The following TMEM38B variants were observed in gnomAD, a reference collection of about 807,000 sequenced individuals.
TMEM38B encodes the protein trimeric intracellular cation channel type B.
Under a neutral mutation model 28.7 loss-of-function variants are expected in TMEM38B, and 24 were observed. The observed-to-expected ratio is 0.84, with a 90% CI of 0.61 to 1.18. The LOEUF is 1.18. TMEM38B is among the 50% of genes most tolerant of loss of function. TMEM38B has a pLI of 0.00. For missense variants in TMEM38B, 380 were observed against 350.9 expected (o/e 1.08, Z -0.66); for synonymous variants, 131 against 127.7 (o/e 1.03, Z -0.17).
chr9:105,749,357 A>G (rs570422902), intron 5 of TMEM38B: 11 of 191,496 alleles, frequency 5.7e-5, no homozygotes, highest in South Asian at 5.0e-4. Context: ...GTGGAGGAGG[A>G]GCAAAGGCAC....
At chr9:105,765,143 A>G (rs1321609839) in intron 5 of TMEM38B, among the ~76,000 whole-genome samples, 1 of 152,220 alleles carries the variant, frequency 6.6e-6, no homozygotes, top group East Asian at 1.9e-4. Context: ...TTTCTAAGGC[A>G]TTTGTATGCT....
intron 5 of TMEM38B, chr9:105,758,734 T>G (rs1430299366): frequency 6.8e-6 from 5 of 734,870 alleles, no homozygotes; most frequent in Non-Finnish European, 1.2e-5. Flanking sequence ...AAAGATAGTA[T>G]TTTTAAATGA....
intron 4 of TMEM38B, among the ~76,000 whole-genome samples, chr9:105,727,226 G>A (rs927198551): frequency 1.3e-5 from 2 of 151,610 alleles, no homozygotes; most frequent in Admixed American, 6.6e-5. Context: ...TTCCTCCCCC[G>A]ACCCTGCCCA....
At chr9:105,723,676 T>A (rs1282026501) in intron 4 of TMEM38B, among the ~76,000 whole-genome samples, 1 of 151,748 alleles carries the variant, frequency 6.6e-6, no homozygotes, top group Non-Finnish European at 1.5e-5. Context: ...GGATTACAGA[T>A]GTGAAGCACC....
chr9:105,749,462 C>T (rs926602337), intron 5 of TMEM38B, among the ~76,000 whole-genome samples: 3 of 152,126 alleles, frequency 2.0e-5, no homozygotes, highest in African/African-American at 2.4e-5. Flanking sequence ...AAGAACAGCA[C>T]AGGAAAGACC....
rs1182465729 is a variant in TMEM38B, at chr9:105,721,665, C to A, written c.398C>A (p.Ala133Asp). ...AAAATAGTAGGTGGAGTCACACATG[C>A]TAATAGCTATTACAAAAATGGCTGG... ...TWKIVGGVTHANSYYKNGWIV... is the reference protein window; with the variant it reads ...TWKIVGGVTHDNSYYKNGWIV... The change falls in exon 3 of 6, where the codon GCT (alanine) becomes GAT (aspartate). Residue 133 changes from alanine (A) to aspartate (D), a missense_variant. Transcript: ENST00000374692. 6.2e-7 allele frequency: 1 copy of A among 1,613,298 alleles called. No individual in the cohort carries two copies. The highest frequency in any genetic ancestry group is 1.3e-5 in the African/African-American group (1 of 74,900).
intron 5 of TMEM38B, among the ~76,000 whole-genome samples, chr9:105,765,068 T>C (rs1000811194): frequency 1.3e-5 from 2 of 152,118 alleles, no homozygotes; most frequent in Admixed American, 6.5e-5. Flanking sequence ...TTACACCTTA[T>C]ACAAAAATCA....
At chr9:105,759,828 A>C (rs1187993817) in intron 5 of TMEM38B, 2 of 1,603,296 alleles carry the variant, frequency 1.2e-6, no homozygotes, top group Middle Eastern at 1.7e-4. Context: ...AATGCAAGTC[A>C]AAACAGCTTT....
chr9:105,758,737 T>C (rs1837925037), intron 5 of TMEM38B: 2 of 734,758 alleles, frequency 2.7e-6, no homozygotes, highest in South Asian at 1.6e-5. Flanking sequence ...GATAGTATTT[T>C]TAAATGATGA....
intron 5 of TMEM38B, among the ~76,000 whole-genome samples, chr9:105,761,977 T>A (rs1838068471): frequency 1.3e-5 from 2 of 152,146 alleles, no homozygotes; most frequent in South Asian, 4.1e-4. Flanking sequence ...TTCTTCAGGT[T>A]TCTGCTTGAT....
chr9:105,731,198 A>G (rs1051607468), intron 4 of TMEM38B, among the ~76,000 whole-genome samples: 1 of 151,920 alleles, frequency 6.6e-6, no homozygotes, highest in Non-Finnish European at 1.5e-5. Context: ...TCTTGTGGGC[A>G]TTTAGTGCTA....
At chr9:105,731,369 A>G (rs760500695) in intron 4 of TMEM38B, among the ~76,000 whole-genome samples, 28 of 152,028 alleles carry the variant, frequency 1.8e-4, no homozygotes, top group South Asian at 4.2e-4. Flanking sequence ...GGTTTGTTAC[A>G]TATGTATACA....
At chr9:105,741,523 C>A (rs185573566) in intron 4 of TMEM38B, among the ~76,000 whole-genome samples, 2 of 151,980 alleles carry the variant, frequency 1.3e-5, no homozygotes, top group Admixed American at 6.6e-5. Context: ...GTGAAGACTT[C>A]GAAGGAAATA....
chr9:105,762,221 G>A (rs906912573), intron 5 of TMEM38B, among the ~76,000 whole-genome samples: 1 of 151,488 alleles, frequency 6.6e-6, no homozygotes, highest in African/African-American at 2.4e-5. Flanking sequence ...TTATAAATAT[G>A]ACTTTATCCT....
At chr9:105,698,719 A>C (rs1467077508) in intron 1 of TMEM38B, among the ~76,000 whole-genome samples, 2 of 152,066 alleles carry the variant, frequency 1.3e-5, no homozygotes, top group African/African-American at 4.8e-5. Flanking sequence ...TTTGGGCCCA[A>C]GGTTATGCTG....
chr9:105,718,829 G>T (rs1293149893), intron 2 of TMEM38B, among the ~76,000 whole-genome samples: 1 of 151,436 alleles, frequency 6.6e-6, no homozygotes, highest in African/African-American at 2.4e-5. Flanking sequence ...ACTTATATAT[G>T]GCACATTTGT....
intron 5 of TMEM38B, among the ~76,000 whole-genome samples, chr9:105,764,295 C>T (rs1490686535): frequency 1.3e-5 from 2 of 152,020 alleles, no homozygotes; most frequent in South Asian, 2.1e-4. Flanking sequence ...TCAAATTGTC[C>T]CTGTTTGCAG....
intron 2 of TMEM38B, chr9:105,710,577 A>T (rs10978214): frequency 0.2 from 170,740 of 874,544 alleles, 17,443 homozygotes; most frequent in Middle Eastern, 0.31. Context: ...AAATTATATA[A>T]AGTGTCTTCA....
At chr9:105,741,651 G>A (rs1156499801) in intron 4 of TMEM38B, among the ~76,000 whole-genome samples, 1 of 152,172 alleles carries the variant, frequency 6.6e-6, no homozygotes, top group Non-Finnish European at 1.5e-5. Context: ...CAGTGAATGT[G>A]GATGTTTTTG....
Sources: gnomAD v4.1 joint callset for allele counts (sites outside exome capture counted in the v4.1 genomes callset) on GRCh38, gnomAD v4.1.1 for gene constraint, MANE v1.5 for transcripts, NCBI Gene and HGNC (gene_info 2026-07-23, HGNC 2026-07-21) for gene names.